HEATR1: variants seen among roughly 807,000 people sequenced by gnomAD.
HEATR1 encodes the protein HEAT repeat containing 1.
A neutral mutation model predicts 248.2 loss-of-function variants in HEATR1; 77 were observed. The ratio of observed to expected loss-of-function variants is 0.31; its 90% confidence interval spans 0.26 to 0.37. The LOEUF (loss-of-function observed/expected upper bound fraction) is 0.37, where lower values mean the gene tolerates loss of function less well. Among genes scored for constraint, HEATR1 ranks in the 10% least tolerant of loss-of-function variants. The pLI is 1.00. For synonymous variants in HEATR1, 897 were observed against 923.1 expected, an observed-to-expected ratio of 0.97 and a Z score of 0.51; for missense variants, 2,420 against 2,504.9, an observed-to-expected ratio of 0.97 and a Z score of 0.72.
At chr1:236,583,535 G>GGAGT (rs1663810642) in intron 17 of HEATR1, among the ~76,000 whole-genome samples, 1 of 147,656 alleles carries the variant, frequency 6.8e-6, no homozygotes. Flanking sequence ...CACCCAGGCT[G>GGAGT]GAGTGCAGCG....
intron 17 of HEATR1, 29 bp from the exon 18 acceptor site, chr1:236,583,225 T>C (rs763802636): frequency 8.4e-6 from 13 of 1,555,002 alleles, no homozygotes; most frequent in Admixed American, 2.0e-5. Flanking sequence ...CAAAAACTAG[T>C]ACAAACTAAG....
chr1:236,585,473 T>G (rs1286205772), intron 16 of HEATR1, among the ~76,000 whole-genome samples: 2 of 152,162 alleles, frequency 1.3e-5, no homozygotes, highest in Non-Finnish European at 2.9e-5. Context: ...GTTTATTTAA[T>G]AAGGCAAAGA....
intron 36 of HEATR1, 119 bp from the exon 37 acceptor site, chr1:236,557,464 A>C (rs1005113772): frequency 2.1e-6 from 2 of 949,760 alleles, no homozygotes; most frequent in Non-Finnish European, 3.2e-6. Context: ...TATCTGCTTC[A>C]TAGCCTAAAA....
At chr1:236,578,010 C>T (rs148943680) in intron 20 of HEATR1, among the ~76,000 whole-genome samples, 3 of 152,268 alleles carry the variant, frequency 2.0e-5, no homozygotes, top group African/African-American at 7.2e-5. Flanking sequence ...TTTGATTTTA[C>T]TTTTTGATAG....
intron 30 of HEATR1, 45 bp downstream of exon 30, chr1:236,566,601 G>A (rs771841586): frequency 7.4e-7 from 1 of 1,358,642 alleles, no homozygotes; most frequent in East Asian, 2.3e-5. Context: ...TAAAATCTGT[G>A]TGAGAAATCA....
At chr1:236,603,835 G>T in intron 2 of HEATR1, 119 bp downstream of exon 2, 2 of 1,072,820 alleles carry the variant, frequency 1.9e-6, no homozygotes, top group Non-Finnish European at 2.7e-6. Context: ...ACATCAACAT[G>T]CTAGAAACTG....
At chr1:236,598,846 C>T (rs765935997) in intron 4 of HEATR1, among the ~76,000 whole-genome samples, 1 of 152,132 alleles carries the variant, frequency 6.6e-6, no homozygotes, top group African/African-American at 2.4e-5. Context: ...CTGCTAACAA[C>T]ATACATCTAC....
intron 17 of HEATR1, among the ~76,000 whole-genome samples, chr1:236,583,729 C>T (rs977712343): frequency 6.6e-6 from 1 of 152,050 alleles, no homozygotes; most frequent in Non-Finnish European, 1.5e-5. Flanking sequence ...TCAGATGATC[C>T]ACCCGCCTCG....
intron 3 of HEATR1, among the ~76,000 whole-genome samples, chr1:236,601,665 A>G (rs1012652803): frequency 3.4e-5 from 3 of 88,738 alleles, no homozygotes; most frequent in Non-Finnish European, 9.1e-5. Context: ...AACAAAAACA[A>G]AAACAAACAA....
Position 236,564,585 on chromosome 1 carries a change from A to T in HEATR1, c.4512T>A (p.Thr1504=). Residue 1504 remains threonine, a synonymous_variant, in exon 32 of 45, where the codon ACT becomes ACA. Transcript: ENST00000366582. ...AATGCCGCAGTTGCTTGCTAGTGTG[A>T]GTCTCTACATTAAAAACCTGTAGCA... ...EEMLQVFNVE[T]HTSKQLRHFK... is the part of the protein sequence containing the mutation. 2 of 1,613,930 alleles carry T rather than the reference A, an allele frequency of 1.2e-6. No homozygotes were observed. Among genetic ancestry groups the T allele is most frequent in the East Asian group, 2.2e-5 (1 of 44,868 alleles).
At chr1:236,593,125 C>T (rs890265046) in intron 9 of HEATR1, among the ~76,000 whole-genome samples, 6 of 151,444 alleles carry the variant, frequency 4.0e-5, no homozygotes, top group African/African-American at 1.2e-4. Context: ...ACCTGGGAGG[C>T]GGAGGTTGCA....
chr1:236,560,904 T>C (rs1663114148), intron 33 of HEATR1, among the ~76,000 whole-genome samples: 2 of 152,336 alleles, frequency 1.3e-5, no homozygotes, highest in Admixed American at 6.5e-5. Context: ...AGTGTTGGGA[T>C]AATTAGGGAG....
Position 236,585,114 on chromosome 1 carries a change from A to C in HEATR1, c.2152T>G (p.Leu718Val). The change falls in exon 17 of 45, where the codon TTA becomes GTA. Residue 718 changes from leucine (L) to valine (V), a missense_variant. Coordinates refer to ENST00000366582, the MANE Select transcript of HEATR1 (RefSeq NM_018072.6). ...LSVLVSCCSS[L>V]KETHFPFAIR... ...GCAAATGGAAAGTGGGTTTCTTTTAAAGATGAACAACAAGAGACGAGCACA... is the reference window on the plus strand; with the variant it reads ...GCAAATGGAAAGTGGGTTTCTTTTACAGATGAACAACAAGAGACGAGCACA... 6.2e-7 allele frequency: 1 copy of C among 1,614,132 alleles called. No individual in the cohort carries two copies. The highest frequency in any genetic ancestry group is 8.5e-7 in the Non-Finnish European group (1 of 1,179,956).
In HEATR1 at chr1:236,583,164, C is replaced by G. The variant is rs1465364915; in HGVS notation, c.2274G>C (p.Met758Ile). The change falls in exon 18 of 45, where the codon ATG becomes ATC. Residue 758 changes from methionine to isoleucine, a missense_variant. Transcript: ENST00000366582. The part of the protein sequence containing the change: ...EIPSEWHIEL[M>I]LDRGIPVELW... ...GCTCCACTGGGATCCCTCTGTCTAA[C>G]ATCAGTTCAATGTGCCATTCTGAGG... 6.2e-7 allele frequency: 1 copy of G among 1,609,296 alleles called. No homozygotes were observed. The highest frequency in any genetic ancestry group is 1.7e-5 in the Admixed American group (1 of 58,346).
At position 236,582,950 on chromosome 1, in the gene HEATR1, G is replaced by A. The variant is rs557882318; in HGVS notation, c.2425+63C>T. ...GAGCTTTTTATTCAAGACAGTCATT[G>A]TGGAGTCAATCATTCAGTTTTGCAG... On this transcript the variant is annotated intron_variant, in intron 18 of 44. Transcript: ENST00000366582. 3.7e-6 allele frequency: 6 copies of A among 1,603,388 alleles called. No homozygotes were observed. The South Asian group carries it at 6.6e-5, about 18-fold the overall frequency.
At position 236,559,720 on chromosome 1, in the gene HEATR1, T is replaced by C. The variant is rs987032753; in HGVS notation, c.4764A>G (p.Leu1588=). The change falls in exon 34 of 45, where the codon TTA becomes TTG. Residue 1588 remains leucine (L), a synonymous_variant. Coordinates refer to ENST00000366582, the MANE Select transcript of HEATR1 (RefSeq NM_018072.6). ...GGGAGAAATGAACACCTACCTTATC[T>C]AACAGGTCGTAAGCTTTACTAAGGA... is the stretch of plus-strand genomic sequence containing the variant. ...RALLSKAYDL[L]DKVNALLPTE... is the part of the protein sequence containing the mutation. 1 of 1,609,716 alleles carries C rather than the reference T, an allele frequency of 6.2e-7. No homozygotes were observed. The highest frequency in any genetic ancestry group is 1.3e-5 in the African/African-American group (1 of 74,838).
chr1:236,587,908 T>G, intron 13 of HEATR1, 40 bp downstream of exon 13: 1 of 1,431,302 alleles, frequency 7.0e-7, no homozygotes. Context: ...CAAGGAAATT[T>G]ACAAAATTGT....
rs556519175 is a variant in HEATR1 at position 236,588,118 on chromosome 1, T to C, written c.1531-75A>G. 74 of 1,142,132 alleles carry C rather than the reference T, an allele frequency of 6.5e-5. 1 individual carries two copies. Among genetic ancestry groups the C allele is most frequent in the Admixed American group, 1.9e-4 (9 of 48,292 alleles). The allele number at this position is 1,142,132 out of a possible 1,614,324, so 70.7% of individuals were successfully genotyped here. A position where few individuals can be genotyped will look rare whatever the true frequency, so the allele number is the denominator to read the frequency against. ...AAGGCTTTGCACTAGAAAGGAAGTATGGTTTTGTGAAAAACACTCCAGAAT... is the reference window on the plus strand; with the variant it reads ...AAGGCTTTGCACTAGAAAGGAAGTACGGTTTTGTGAAAAACACTCCAGAAT... On this transcript the variant is annotated intron_variant, in intron 12 of 44. Coordinates refer to ENST00000366582, the MANE Select transcript of HEATR1 (RefSeq NM_018072.6).
chr1:236,564,124 A>AT (rs1487567285), intron 32 of HEATR1, among the ~76,000 whole-genome samples: 1 of 152,220 alleles, frequency 6.6e-6, no homozygotes, highest in Non-Finnish European at 1.5e-5. Context: ...CTCAAAAAAT[A>AT]AAATAAAATA....
Sources: allele counts gnomAD v4.1 joint callset (sites outside exome capture counted in the v4.1 genomes callset), GRCh38; gene constraint gnomAD v4.1.1; transcripts MANE v1.5; gene names NCBI Gene and HGNC (gene_info 2026-07-23, HGNC 2026-07-21).